The following PCDH15 variants were observed in gnomAD, a reference collection of about 807,000 sequenced individuals.
PCDH15 encodes the protein protocadherin related 15.
In PCDH15, 129 loss-of-function variants were observed where a neutral mutation model predicts 178.5. The ratio of observed to expected loss-of-function variants is 0.72; its 90% CI spans 0.63 to 0.84. The LOEUF (loss-of-function observed/expected upper bound fraction) is 0.84. PCDH15 is among the 40% of genes least tolerant of loss of function. The pLI is 0.00. For synonymous variants in PCDH15, 800 were observed against 732.0 expected (o/e 1.09, Z -1.50); for missense variants, 2,230 against 2,099.9 (o/e 1.06, Z -1.21).
chr10:54,421,802 C>T (rs1955413301), intron 3 of PCDH15, among the ~76,000 whole-genome samples: 1 of 115,820 alleles, frequency 8.6e-6, no homozygotes, highest in Non-Finnish European at 1.7e-5. Context: ...TATATAGGTA[C>T]ATGTGTAGTG....
intron 9 of PCDH15, among the ~76,000 whole-genome samples, chr10:54,233,692 A>G (rs1281664701): frequency 1.3e-5 from 2 of 152,228 alleles, no homozygotes; most frequent in African/African-American, 4.8e-5. Flanking sequence ...CTGCATTTGC[A>G]GAGTTTCAAG....
At chr10:55,114,885 T>C (rs1463788284) in intron 2 of PCDH15, among the ~76,000 whole-genome samples, 6 of 152,200 alleles carry the variant, frequency 3.9e-5, no homozygotes, top group Admixed American at 3.9e-4. Context: ...CAATTTATTA[T>C]GCACCATAAC....
chr10:54,030,189 C>G (rs923439866), intron 18 of PCDH15, among the ~76,000 whole-genome samples: 6 of 152,042 alleles, frequency 3.9e-5, no homozygotes, highest in Non-Finnish European at 8.8e-5. Context: ...GTGCTTTGCT[C>G]TACCTTTTGC....
intron 2 of PCDH15, among the ~76,000 whole-genome samples, chr10:55,033,158 C>T (rs532835030): frequency 3.9e-5 from 6 of 152,144 alleles, no homozygotes; most frequent in Admixed American, 6.5e-5. Flanking sequence ...TTGTCACGGG[C>T]GGGAGCACCA....
chr10:55,059,626 C>A (rs1206420565), intron 2 of PCDH15, among the ~76,000 whole-genome samples: 3 of 152,082 alleles, frequency 2.0e-5, no homozygotes, highest in Non-Finnish European at 4.4e-5. Flanking sequence ...GTGTGAAGAT[C>A]TTAGGAAGGC....
In PCDH15 at chr10:54,023,158, A is replaced by C. The variant is rs2092978164; in HGVS notation, c.2260T>G (p.Tyr754Asp). The C allele has an allele frequency of 6.2e-7, 1 of 1,613,654 alleles. No individual in the cohort carries two copies. The highest frequency in any genetic ancestry group is 1.3e-5 in the African/African-American group (1 of 74,918). ...PDAGINGQVH[Y>D]SLGNFNNLFR... Reference sequence around the variant, plus strand: ...AGATTATTAAAGTTACCCAAACTGTAGTGCACTTGACCATTTATTCCAGCA... The same window carrying C: ...AGATTATTAAAGTTACCCAAACTGTCGTGCACTTGACCATTTATTCCAGCA... The change falls in exon 19 of 38, where the codon TAC becomes GAC. Residue 754 changes from tyrosine (Y) to aspartate (D), a missense_variant. By Grantham distance (160) the Tyr-to-Asp change is radical. Transcript: ENST00000644397.
At chr10:54,052,607 C>G (rs756478536) in intron 18 of PCDH15, among the ~76,000 whole-genome samples, 1 of 152,104 alleles carries the variant, frequency 6.6e-6, no homozygotes, top group Admixed American at 6.5e-5. Flanking sequence ...GTGGAAGAAA[C>G]TTGCCTTGTC....
rs1944688785 is a variant in PCDH15 at position 54,740,746 on chromosome 10, T to A, written c.-29+60179A>T. ...ACATGGATAGAACTGGAGGTCATTA[T>A]GTTAATTGAGCTAAGCCAAATACAG... On this transcript the variant is annotated intron_variant, in intron 1 of 37. Coordinates refer to ENST00000644397, the MANE Select transcript of PCDH15 (RefSeq NM_001384140.1). 1.3e-5 allele frequency among the ~76,000 whole-genome samples: 2 copies of A among 152,050 alleles called. 1 individual carries two copies. The highest frequency in any genetic ancestry group is 4.1e-4 in the South Asian group (2 of 4,832).
intron 3 of PCDH15, among the ~76,000 whole-genome samples, chr10:54,428,807 G>A (rs767434170): frequency 6.6e-6 from 1 of 151,690 alleles, no homozygotes; most frequent in Non-Finnish European, 1.5e-5. Flanking sequence ...AAGTGCTGAA[G>A]GAAAAAATAA....
At chr10:54,107,219 AATTG>A (rs2094931845) in intron 15 of PCDH15, among the ~76,000 whole-genome samples, 1 of 152,214 alleles carries the variant, frequency 6.6e-6, no homozygotes, top group Non-Finnish European at 1.5e-5. Context: ...TAACACCAAA[AATTG>A]ATTTTGTGAT....
intron 11 of PCDH15, among the ~76,000 whole-genome samples, chr10:54,194,663 TC>T (rs2049400693): frequency 6.9e-6 from 1 of 144,866 alleles, no homozygotes; most frequent in Admixed American, 6.8e-5. Context: ...TATCTATCTA[TC>T]TATCTATCTA....
At chr10:55,572,224 T>G (rs1842419062) in intron 2 of PCDH15, among the ~76,000 whole-genome samples, 1 of 151,762 alleles carries the variant, frequency 6.6e-6, no homozygotes, top group Non-Finnish European at 1.5e-5. Flanking sequence ...TACCCCAGAA[T>G]TATTTAAAGT....
At chr10:55,445,294 T>C (rs560615870) in intron 2 of PCDH15, among the ~76,000 whole-genome samples, 1 of 152,088 alleles carries the variant, frequency 6.6e-6, no homozygotes, top group Non-Finnish European at 1.5e-5. Flanking sequence ...GCATCCATGG[T>C]AAATAATCTA....
chr10:55,406,561 T>C (rs1186989284), intron 2 of PCDH15, among the ~76,000 whole-genome samples: 1 of 151,964 alleles, frequency 6.6e-6, no homozygotes, highest in Non-Finnish European at 1.5e-5. Context: ...TCAGATGAGG[T>C]GGAGACAATA....
At chr10:54,862,739 T>G (rs1953865636) in intron 3 of PCDH15, among the ~76,000 whole-genome samples, 1 of 152,184 alleles carries the variant, frequency 6.6e-6, no homozygotes, top group African/African-American at 2.4e-5. Context: ...TTCTCTCTCA[T>G]CATATGTGCC....
intron 2 of PCDH15, among the ~76,000 whole-genome samples, chr10:54,541,939 C>G (rs1470749827): frequency 1.3e-5 from 2 of 152,054 alleles, no homozygotes; most frequent in Non-Finnish European, 2.9e-5. Flanking sequence ...AGTACTTTGA[C>G]TACTAAATAA....
intron 21 of PCDH15, among the ~76,000 whole-genome samples, chr10:53,991,953 C>T (rs1426036089): frequency 6.6e-6 from 1 of 152,102 alleles, no homozygotes; most frequent in Admixed American, 6.5e-5. Flanking sequence ...CAGCCGCAAC[C>T]CGCTCGGGTC....
At chr10:54,814,643 G>A (rs897136879) in intron 3 of PCDH15, among the ~76,000 whole-genome samples, 1 of 152,070 alleles carries the variant, frequency 6.6e-6, no homozygotes, top group African/African-American at 2.4e-5. Context: ...TCTTTCTGTT[G>A]TTCCATTTAT....
chr10:54,581,642 G>T (rs971515320), intron 2 of PCDH15, among the ~76,000 whole-genome samples: 1 of 151,942 alleles, frequency 6.6e-6, no homozygotes, highest in African/African-American at 2.4e-5. Flanking sequence ...AAAGAAAAAA[G>T]CCAGAGGCAT....
Sources: allele counts gnomAD v4.1 joint callset (sites outside exome capture counted in the v4.1 genomes callset), GRCh38; gene constraint gnomAD v4.1.1; transcripts MANE v1.5; gene names NCBI Gene and HGNC (gene_info 2026-07-23, HGNC 2026-07-21).